Variants in PDSS2 observed in about 807,000 individuals in gnomAD.
PDSS2 encodes decaprenyl diphosphate synthase subunit 2, also known as all trans-polyprenyl-diphosphate synthase PDSS2.
Under a neutral mutation model 44.5 loss-of-function variants are expected in PDSS2, and 31 were observed. That is an observed-to-expected ratio of 0.70 (90% CI 0.52 to 0.94). PDSS2 has a LOEUF of 0.94. PDSS2 is among the 40% of genes least tolerant of loss of function. The pLI is 0.00. For synonymous variants in PDSS2, 157 were observed against 180.3 expected (o/e 0.87, Z 1.03); for missense variants, 452 against 482.2 (o/e 0.94, Z 0.59).
chr6:107,327,586 A>C lies in PDSS2; in HGVS notation c.431+6612T>G, dbSNP rs538217881. ...AATTCTCTGCCTCAGTCTCCTGAAT[A>C]GCAGGGATTACAGGCGCCCACCATC... On this transcript the variant is annotated intron_variant, in intron 2 of 7. Coordinates refer to ENST00000369037, the MANE Select transcript of PDSS2 (RefSeq NM_020381.4). 2.7e-4 allele frequency among the ~76,000 whole-genome samples: 41 copies of C among 152,254 alleles called. No homozygotes were observed. In the South Asian group the frequency reaches 3.1e-3, roughly 12 times the overall value.
intron 1 of PDSS2, among the ~76,000 whole-genome samples, chr6:107,437,553 T>G (rs1303774454): frequency 6.9e-6 from 1 of 145,838 alleles, no homozygotes; most frequent in Non-Finnish European, 1.5e-5. Flanking sequence ...AAAAAAAAAT[T>G]TACAGTCGTG....
At chr6:107,206,146 A>G (rs1374533441) in intron 6 of PDSS2, among the ~76,000 whole-genome samples, 1 of 152,212 alleles carries the variant, frequency 6.6e-6, no homozygotes, top group Non-Finnish European at 1.5e-5. Flanking sequence ...ATCTTGGCTC[A>G]CTGCAACCTC....
chr6:107,230,747 G>A (rs1774021337), intron 4 of PDSS2, among the ~76,000 whole-genome samples: 1 of 152,042 alleles, frequency 6.6e-6, no homozygotes, highest in African/African-American at 2.4e-5. Flanking sequence ...TGAGCCCAGA[G>A]TTAAAGGACA....
At position 107,180,349 on chromosome 6, in the gene PDSS2, A is replaced by G. The variant is rs541611953; in HGVS notation, c.1041+13473T>C. Among the ~76,000 whole-genome samples the G allele has an allele frequency of 1.1e-4, 17 of 152,260 alleles. No homozygotes were observed. The South Asian group carries it at 3.5e-3, about 32-fold the overall frequency. On this transcript the variant is annotated intron_variant, in intron 7 of 7. Coordinates refer to ENST00000369037, the MANE Select transcript of PDSS2 (RefSeq NM_020381.4). ...TAGCTTTCCAGATAAGACTCAAAAG[A>G]TTACCCCAATTGAATCTCTCTGCCT... is the stretch of plus-strand genomic sequence containing the variant.
chr6:107,408,759 C>A (rs1016444568), intron 1 of PDSS2, among the ~76,000 whole-genome samples: 2 of 152,106 alleles, frequency 1.3e-5, no homozygotes, highest in Non-Finnish European at 2.9e-5. Context: ...TCAAAAGAGG[C>A]TAGAAATTTA....
Position 107,458,412 on chromosome 6 carries a change from C to CA in PDSS2, c.296+577dup, listed in dbSNP as rs60758453. On this transcript the variant is annotated intron_variant, in intron 1 of 7. Coordinates refer to ENST00000369037, the MANE Select transcript of PDSS2 (RefSeq NM_020381.4). ...TGGGCGACAAAGCGAGACTCCGTCTCAAAAAAAAAAAAAAAAAAAACTTTT... is the reference window on the plus strand; with the variant it reads ...TGGGCGACAAAGCGAGACTCCGTCTCAAAAAAAAAAAAAAAAAAAAACTTTT... Among the ~76,000 whole-genome samples, 228 of 78,048 alleles carry CA rather than the reference C, an allele frequency of 2.9e-3. 9 individuals carry two copies. Among genetic ancestry groups the CA allele is most frequent in the East Asian group, 0.01 (40 of 4,000 alleles). 51.2% of individuals were successfully genotyped at this position (78,048 alleles called of 152,430 possible).
chr6:107,162,066 G>C (rs60457355), intron 7 of PDSS2, among the ~76,000 whole-genome samples: 3,391 of 152,222 alleles, frequency 0.022, 92 homozygotes, highest in African/African-American at 0.067. Flanking sequence ...TAGCCTGTGA[G>C]TCGTTAGGAC....
At chr6:107,161,461 C>T (rs868917233) in intron 7 of PDSS2, among the ~76,000 whole-genome samples, 28 of 136,222 alleles carry the variant, frequency 2.1e-4, no homozygotes, top group African/African-American at 5.6e-4. Flanking sequence ...ACCTGGGTGA[C>T]AGAGCGAGAC....
At chr6:107,308,557 T>C (rs551261823) in intron 2 of PDSS2, among the ~76,000 whole-genome samples, 2 of 152,322 alleles carry the variant, frequency 1.3e-5, no homozygotes, top group Non-Finnish European at 2.9e-5. Context: ...AAGTGTAAAC[T>C]GAATGCCACA....
intron 1 of PDSS2, among the ~76,000 whole-genome samples, chr6:107,342,186 TAAA>T (rs772609244): frequency 7.4e-6 from 1 of 134,628 alleles, no homozygotes. Flanking sequence ...AGAATAGTTC[TAAA>T]AAAAAAAAAA....
At chr6:107,210,758 G>C (rs986433219) in intron 5 of PDSS2, among the ~76,000 whole-genome samples, 188 bp from the exon 6 acceptor site, 1 of 152,112 alleles carries the variant, frequency 6.6e-6, no homozygotes, top group African/African-American at 2.4e-5. Flanking sequence ...AATCTCAGCA[G>C]TTTGGGAGGC....
intron 2 of PDSS2, among the ~76,000 whole-genome samples, chr6:107,300,974 T>C (rs1048762437): frequency 6.6e-6 from 1 of 152,154 alleles, no homozygotes; most frequent in East Asian, 1.9e-4. Flanking sequence ...TAATCATCTT[T>C]TAATCTTCCC....
intron 2 of PDSS2, among the ~76,000 whole-genome samples, chr6:107,330,611 T>C (rs138804271): frequency 1.5e-4 from 23 of 152,354 alleles, no homozygotes; most frequent in Non-Finnish European, 2.8e-4. Flanking sequence ...ATGCATTATA[T>C]ATTGTAATAA....
At chr6:107,283,266 C>T (rs1339107757) in intron 2 of PDSS2, among the ~76,000 whole-genome samples, 4 of 150,922 alleles carry the variant, frequency 2.7e-5, no homozygotes, top group East Asian at 2.0e-4. Context: ...GTTGAGGCTA[C>T]GGTGGGCTGT....
intron 2 of PDSS2, among the ~76,000 whole-genome samples, chr6:107,276,399 T>C (rs1012121286): frequency 4.6e-5 from 7 of 152,172 alleles, no homozygotes; most frequent in Non-Finnish European, 1.0e-4. Context: ...GCATGTTGGA[T>C]AGACGGTGGT....
intron 1 of PDSS2, among the ~76,000 whole-genome samples, chr6:107,445,530 A>C (rs1314051915): frequency 6.6e-6 from 1 of 152,258 alleles, no homozygotes; most frequent in Non-Finnish European, 1.5e-5. Flanking sequence ...ATAAATATTC[A>C]TATTAAATGG....
intron 2 of PDSS2, among the ~76,000 whole-genome samples, chr6:107,304,616 C>T (rs1776798467): frequency 6.6e-6 from 1 of 152,186 alleles, no homozygotes; most frequent in Admixed American, 6.5e-5. Context: ...AACAATAGCA[C>T]ATGTGTCAAA....
chr6:107,206,167 G>C (rs925793647), intron 6 of PDSS2, among the ~76,000 whole-genome samples: 1 of 152,114 alleles, frequency 6.6e-6, no homozygotes, highest in African/African-American at 2.4e-5. Flanking sequence ...TGCCTCCTGG[G>C]CTCAAGTGAT....
intron 4 of PDSS2, among the ~76,000 whole-genome samples, chr6:107,226,241 A>G (rs895428479): frequency 2.0e-5 from 3 of 152,196 alleles, no homozygotes; most frequent in Middle Eastern, 3.2e-3. Flanking sequence ...CCTGGGAGGC[A>G]GAGCTTGCAG....
Sources: allele counts gnomAD v4.1 joint callset (sites outside exome capture counted in the v4.1 genomes callset), GRCh38; gene constraint gnomAD v4.1.1; transcripts MANE v1.5; gene names NCBI Gene and HGNC (gene_info 2026-07-23, HGNC 2026-07-21).